Variants in TEX14 observed in about 807,000 individuals in gnomAD.
The protein encoded by TEX14 is inactive serine/threonine-protein kinase TEX14.
TEX14 carries 168 observed loss-of-function variants against 178.6 expected under a neutral mutation model. The observed-to-expected ratio is 0.94, with a 90% CI of 0.83 to 1.07. The LOEUF (loss-of-function observed/expected upper bound fraction) is 1.07. Among genes scored for constraint, TEX14 ranks in the 50% least tolerant of loss-of-function variants. The pLI, the probability that TEX14 is intolerant of heterozygous loss-of-function variation, is 0.00. For missense variants in TEX14, 1,730 were observed against 1,753.6 expected (o/e 0.99, Z 0.24); for synonymous variants, 626 against 634.1 (o/e 0.99, Z 0.19).
At chr17:58,650,216 C>T (rs2046810256) in intron 2 of TEX14, among the ~76,000 whole-genome samples, 1 of 151,626 alleles carries the variant, frequency 6.6e-6, no homozygotes, top group Non-Finnish European at 1.5e-5. Flanking sequence ...TGCCACCACA[C>T]CCGGCTAATT....
rs59425651 is a variant in TEX14 at position 58,643,568 on chromosome 17, G to GAA, written c.136+8296_136+8297dup. Among the ~76,000 whole-genome samples, 9 of 149,402 alleles carry GAA rather than the reference G, an allele frequency of 6.0e-5. No individual in the cohort carries two copies. In the East Asian group the frequency reaches 1.8e-3, roughly 30 times the overall value. On this transcript the variant is annotated intron_variant, in intron 2 of 31. Transcript: ENST00000349033. The stretch of plus-strand genomic sequence containing the variant: ...CATAGTGAGACCCTGTCTCAAAAAT[G>GAA]AAAAAAAAAAGTAACCTAGGGCTGG...
intron 24 of TEX14, among the ~76,000 whole-genome samples, chr17:58,571,660 T>C (rs902729865): frequency 6.6e-6 from 1 of 152,166 alleles, no homozygotes; most frequent in Non-Finnish European, 1.5e-5. Context: ...GTGTTTTTCC[T>C]GCAGGTTATT....
intron 10 of TEX14, among the ~76,000 whole-genome samples, 198 bp downstream of exon 10, chr17:58,610,963 G>A (rs922645279): frequency 5.9e-5 from 9 of 152,066 alleles, no homozygotes; most frequent in Admixed American, 1.3e-4. Context: ...GCTCTTACTT[G>A]TTAAATGTTT....
At chr17:58,557,932 C>T in intron 30 of TEX14, 82 bp from the exon 31 acceptor site, 1 of 1,065,508 alleles carries the variant, frequency 9.4e-7, no homozygotes, top group Admixed American at 1.9e-5. Flanking sequence ...TTAGTGCTCC[C>T]TCTAATTTAG....
chr17:58,574,675 CAAAAAA>C (rs1177255314), intron 21 of TEX14, among the ~76,000 whole-genome samples: 2 of 43,890 alleles, frequency 4.6e-5, no homozygotes, highest in South Asian at 1.6e-3. Context: ...ACTCCATCTC[CAAAAAA>C]AAAAAAAAAA....
rs377268339 is a variant in TEX14 at position 58,584,495 on chromosome 17, C to T, written c.3171+5G>A. 7.5e-6 allele frequency: 12 copies of T among 1,609,134 alleles called. No homozygotes were observed. The highest frequency in any genetic ancestry group is 1.7e-5 in the Admixed American group (1 of 59,982). On this transcript the variant is annotated splice_donor_5th_base_variant and intron_variant, in intron 19 of 31. Coordinates refer to ENST00000349033, the MANE Select transcript of TEX14 (RefSeq NM_031272.5). ...CAACTTGGCTTTCCAGGCAGTATTA[C>T]TTACACTGTAAGATTTCTCTACAGC...
At chr17:58,676,516 T>C (rs2047397476) in intron 1 of TEX14, among the ~76,000 whole-genome samples, 1 of 151,902 alleles carries the variant, frequency 6.6e-6, no homozygotes, top group Non-Finnish European at 1.5e-5. Flanking sequence ...GCCAAGATCA[T>C]GCCATTGCAC....
chr17:58,607,365 C>T (rs1218923906), intron 10 of TEX14, among the ~76,000 whole-genome samples: 1 of 152,202 alleles, frequency 6.6e-6, no homozygotes, highest in Non-Finnish European at 1.5e-5. Context: ...ACCCCAGCAA[C>T]TCCATGCATT....
chr17:58,686,994 C>T (rs565380202), intron 1 of TEX14, among the ~76,000 whole-genome samples: 1 of 150,518 alleles, frequency 6.6e-6, no homozygotes, highest in Admixed American at 6.7e-5. Flanking sequence ...CTGCCTCAGT[C>T]TCCCGAGTAG....
rs548101646 is a variant in TEX14, at chr17:58,604,098, G to A, written c.1336+880C>T. On this transcript the variant is annotated intron_variant, in intron 11 of 31. Transcript: ENST00000349033. ...GTGTTTCATAGTTTACTTCTCAGAG[G>A]CTAGTCTTTCCCCCTAATTTACAAG... Among the ~76,000 whole-genome samples the A allele has an allele frequency of 6.8e-3, 1,027 of 151,970 alleles. 11 individuals are homozygous for A. The highest frequency in any genetic ancestry group is 0.023 in the African/African-American group (959 of 41,448).
intron 1 of TEX14, among the ~76,000 whole-genome samples, chr17:58,672,368 A>C (rs1340994984): frequency 6.6e-6 from 1 of 152,200 alleles, no homozygotes. Flanking sequence ...AAGTTGCAGA[A>C]TCTTCCAGCA....
chr17:58,626,312 T>A (rs2046139494), intron 3 of TEX14, among the ~76,000 whole-genome samples: 1 of 151,798 alleles, frequency 6.6e-6, no homozygotes. Context: ...ATGCCTGTAA[T>A]CCTAGCACAT....
chr17:58,661,471 C>G (rs767379178), intron 1 of TEX14: 3 of 782,238 alleles, frequency 3.8e-6, no homozygotes, highest in African/African-American at 3.4e-5. Flanking sequence ...CCTTGAACAC[C>G]TTTTCCTGGA....
intron 1 of TEX14, among the ~76,000 whole-genome samples, chr17:58,659,050 A>G (rs879450566): frequency 1.3e-4 from 19 of 150,508 alleles, no homozygotes; most frequent in Admixed American, 1.3e-3. Flanking sequence ...GTAAGGTCAT[A>G]ACCACAACTC....
At chr17:58,621,053 T>C (rs1429607139) in intron 5 of TEX14, among the ~76,000 whole-genome samples, 1 of 152,028 alleles carries the variant, frequency 6.6e-6, no homozygotes, top group Non-Finnish European at 1.5e-5. Context: ...ATGGGAAGGA[T>C]TCTCTACATA....
chr17:58,565,926 A>T, intron 26 of TEX14, 102 bp from the exon 27 acceptor site: 1 of 884,788 alleles, frequency 1.1e-6, no homozygotes. Context: ...GACTTGCAGC[A>T]TTAACATAAC....
intron 1 of TEX14, chr17:58,661,616 C>A (rs778608595): frequency 5.7e-6 from 4 of 699,508 alleles, no homozygotes; most frequent in African/African-American, 3.6e-5. Flanking sequence ...AAGGCTGATG[C>A]GAAATGTTGA....
intron 9 of TEX14, among the ~76,000 whole-genome samples, chr17:58,612,302 G>C (rs1025663195): frequency 6.6e-6 from 1 of 152,196 alleles, no homozygotes; most frequent in African/African-American, 2.4e-5. Context: ...CAAGAAGCAG[G>C]ACTAGGCTGG....
At chr17:58,577,335 CTA>C in intron 21 of TEX14, 38 bp downstream of exon 21, 2 of 816,196 alleles carry the variant, frequency 2.5e-6, no homozygotes, top group Middle Eastern at 2.4e-4. Flanking sequence ...AACATTGCAT[CTA>C]TGAGTTTGAA....
Sources: allele counts gnomAD v4.1 joint callset (sites outside exome capture counted in the v4.1 genomes callset), GRCh38; gene constraint gnomAD v4.1.1; transcripts MANE v1.5; gene names NCBI Gene and HGNC (gene_info 2026-07-23, HGNC 2026-07-21).